RABGAP1L: variants seen among roughly 807,000 people sequenced by gnomAD.
RABGAP1L encodes rab GTPase-activating protein 1-like.
Under a neutral mutation model 137.7 loss-of-function variants are expected in RABGAP1L, and 63 were observed. That is an observed-to-expected ratio of 0.46 (90% CI 0.37 to 0.56). The LOEUF is 0.56. Ranked by LOEUF, RABGAP1L falls within the 20% of genes least tolerant of loss-of-function variation. The pLI is 0.00. For missense variants in RABGAP1L, 1,095 were observed against 1,244.0 expected, an observed-to-expected ratio of 0.88 and a Z score of 1.80; for synonymous variants, 431 against 433.7, an observed-to-expected ratio of 0.99 and a Z score of 0.08.
intron 11 of RABGAP1L, among the ~76,000 whole-genome samples, chr1:174,352,154 A>ATC (rs367744091): frequency 6.0e-5 from 9 of 150,450 alleles, no homozygotes; most frequent in East Asian, 1.9e-4. Context: ...TCTGCAACTG[A>ATC]TCTCTCTCTC....
intron 14 of RABGAP1L, among the ~76,000 whole-genome samples, chr1:174,640,864 C>T (rs1204372254): frequency 6.6e-6 from 1 of 150,826 alleles, no homozygotes; most frequent in Non-Finnish European, 1.5e-5. Flanking sequence ...AATGATTAAC[C>T]ACTAAGAAAG....
At chr1:174,721,937 T>A (rs1021499852) in intron 17 of RABGAP1L, among the ~76,000 whole-genome samples, 2 of 152,202 alleles carry the variant, frequency 1.3e-5, no homozygotes, top group Non-Finnish European at 2.9e-5. Flanking sequence ...ATACTCAATT[T>A]TTTTGTTGTT....
At chr1:174,856,941 G>A (rs970181136) in intron 19 of RABGAP1L, among the ~76,000 whole-genome samples, 1 of 151,418 alleles carries the variant, frequency 6.6e-6, no homozygotes, top group African/African-American at 2.4e-5. Flanking sequence ...AAAAAAAAAA[G>A]TTAGACCTTT....
At position 174,610,028 on chromosome 1, in the gene RABGAP1L, A is replaced by G. The variant is rs1054221917; in HGVS notation, c.1711-27347A>G. 1.5e-4 allele frequency among the ~76,000 whole-genome samples: 22 copies of G among 146,046 alleles called. 1 individual carries two copies. The highest frequency in any genetic ancestry group is 1.4e-3 in the Admixed American group (21 of 14,666). Reference sequence around the variant, plus strand: ...TTGATATTAGAAAAGACATTTTGGTATGCGTTTTTTTTTTCTTTTTTTAAA... The same window carrying G: ...TTGATATTAGAAAAGACATTTTGGTGTGCGTTTTTTTTTTCTTTTTTTAAA... On this transcript the variant is annotated intron_variant, in intron 13 of 25. Transcript: ENST00000681986.
At chr1:174,211,419 C>G (rs966941439) in intron 1 of RABGAP1L, among the ~76,000 whole-genome samples, 1 of 152,044 alleles carries the variant, frequency 6.6e-6, no homozygotes, top group Non-Finnish European at 1.5e-5. Flanking sequence ...TTGTTATCAG[C>G]TTAAAATAAT....
At chr1:174,646,255 C>T (rs1674960732) in intron 14 of RABGAP1L, among the ~76,000 whole-genome samples, 1 of 152,050 alleles carries the variant, frequency 6.6e-6, no homozygotes, top group Non-Finnish European at 1.5e-5. Flanking sequence ...GTTGCTATTG[C>T]TTTTGGTGTT....
intron 13 of RABGAP1L, among the ~76,000 whole-genome samples, chr1:174,496,272 C>G (rs1005236472): frequency 6.6e-6 from 1 of 152,092 alleles, no homozygotes; most frequent in African/African-American, 2.4e-5. Flanking sequence ...GAAGAAGAGC[C>G]GTAGGTCAGT....
At chr1:174,265,058 A>T (rs190552457) in intron 7 of RABGAP1L, among the ~76,000 whole-genome samples, 3 of 152,350 alleles carry the variant, frequency 2.0e-5, no homozygotes, top group Non-Finnish European at 4.4e-5. Context: ...ATGAGCCTTT[A>T]TGAAGGAGAA....
intron 19 of RABGAP1L, among the ~76,000 whole-genome samples, chr1:174,827,114 CTG>C (rs2148901723): frequency 6.6e-6 from 1 of 152,204 alleles, no homozygotes; most frequent in South Asian, 2.1e-4. Flanking sequence ...TCTATATTAT[CTG>C]TGTCCTAATC....
At chr1:174,822,216 G>A (rs1158587922) in intron 19 of RABGAP1L, among the ~76,000 whole-genome samples, 1 of 152,210 alleles carries the variant, frequency 6.6e-6, no homozygotes, top group Non-Finnish European at 1.5e-5. Flanking sequence ...AGCGGAGATT[G>A]CACCGCTGCA....
chr1:174,901,641 A>G (rs1658154515), intron 19 of RABGAP1L, among the ~76,000 whole-genome samples: 1 of 152,132 alleles, frequency 6.6e-6, no homozygotes, highest in Non-Finnish European at 1.5e-5. Flanking sequence ...AGTGAAGTTC[A>G]TTACCACCCA....
chr1:174,288,238 A>G (rs542928832), intron 10 of RABGAP1L, among the ~76,000 whole-genome samples: 2 of 152,322 alleles, frequency 1.3e-5, no homozygotes, highest in Non-Finnish European at 2.9e-5. Context: ...TGAAAGTGAT[A>G]TACATACCAC....
chr1:174,221,994 A>ATTTTT (rs561413366), intron 3 of RABGAP1L, among the ~76,000 whole-genome samples: 1 of 144,276 alleles, frequency 6.9e-6, no homozygotes, highest in African/African-American at 2.5e-5. Flanking sequence ...TGCCTAGCTA[A>ATTTTT]TTTTTTTTTT....
At chr1:174,629,997 T>G (rs1673223488) in intron 13 of RABGAP1L, among the ~76,000 whole-genome samples, 1 of 151,712 alleles carries the variant, frequency 6.6e-6, no homozygotes, top group South Asian at 2.1e-4. Flanking sequence ...TGCTTCCAGT[T>G]TTTGCCCATT....
At chr1:174,331,401 A>G (rs560276174) in intron 11 of RABGAP1L, among the ~76,000 whole-genome samples, 1 of 152,358 alleles carries the variant, frequency 6.6e-6, no homozygotes, top group Admixed American at 6.5e-5. Context: ...ACAGCCTATG[A>G]CATTAGAAAA....
intron 13 of RABGAP1L, among the ~76,000 whole-genome samples, chr1:174,624,958 C>A (rs181658984): frequency 6.6e-6 from 1 of 151,506 alleles, no homozygotes; most frequent in Admixed American, 6.6e-5. Flanking sequence ...GCAACCTCCG[C>A]CCCCCTGAGT....
chr1:174,776,884 A>G (rs775073382), intron 18 of RABGAP1L, among the ~76,000 whole-genome samples: 8 of 152,136 alleles, frequency 5.3e-5, no homozygotes, highest in Non-Finnish European at 1.0e-4. Flanking sequence ...AAGTAGTTTG[A>G]TTTTCTAATC....
chr1:174,935,217 A>G (rs1030562277), intron 19 of RABGAP1L: 1 of 152,204 alleles, frequency 6.6e-6, no homozygotes, highest in Admixed American at 6.5e-5. Context: ...ATTGATATTT[A>G]TGATTTTTCA....
chr1:174,331,341 A>G (rs1417522235), intron 11 of RABGAP1L, among the ~76,000 whole-genome samples: 1 of 152,232 alleles, frequency 6.6e-6, no homozygotes, highest in Non-Finnish European at 1.5e-5. Context: ...ATGGATCTAC[A>G]TCACACTAAA....
Sources: gnomAD v4.1 joint callset for allele counts (sites outside exome capture counted in the v4.1 genomes callset) on GRCh38, gnomAD v4.1.1 for gene constraint, MANE v1.5 for transcripts, NCBI Gene and HGNC (gene_info 2026-07-23, HGNC 2026-07-21) for gene names.